Variants in BICD1 observed in about 807,000 individuals in gnomAD.
The protein encoded by BICD1 is BICD cargo adaptor 1, also known as protein bicaudal D homolog 1.
BICD1 carries 35 observed loss-of-function variants against 92.5 expected under a neutral mutation model. That is an observed-to-expected ratio of 0.38 (90% CI 0.29 to 0.50). BICD1 has a LOEUF of 0.50. Among genes scored for constraint, BICD1 ranks in the 20% least tolerant of loss-of-function variants. The pLI, the probability that BICD1 is intolerant of heterozygous loss-of-function variation, is 0.93. For missense variants in BICD1, 950 were observed against 1,189.8 expected, an observed-to-expected ratio of 0.80 and a Z score of 2.97; for synonymous variants, 429 against 465.1, an observed-to-expected ratio of 0.92 and a Z score of 1.00.
chr12:32,256,062 A>T (rs1946710267), intron 2 of BICD1, among the ~76,000 whole-genome samples: 1 of 151,814 alleles, frequency 6.6e-6, no homozygotes, highest in East Asian at 1.9e-4. Flanking sequence ...TTTATTTTTT[A>T]TTCTTTTAGA....
intron 3 of BICD1, among the ~76,000 whole-genome samples, chr12:32,303,414 T>C (rs964281470): frequency 6.6e-6 from 1 of 152,192 alleles, no homozygotes; most frequent in Non-Finnish European, 1.5e-5. Context: ...TGAGTGCTGG[T>C]TTACCATCAG....
chr12:32,121,934 C>T (rs1450675694), intron 1 of BICD1, among the ~76,000 whole-genome samples: 2 of 151,932 alleles, frequency 1.3e-5, no homozygotes, highest in African/African-American at 2.4e-5. Context: ...CTGCCTCAGC[C>T]TCCTGAGTAG....
chr12:32,255,950 TATTA>T (rs1301709763), intron 2 of BICD1, among the ~76,000 whole-genome samples: 117 of 152,246 alleles, frequency 7.7e-4, no homozygotes, highest in African/African-American at 2.2e-3. Flanking sequence ...ATGATAATAT[TATTA>T]ATTAATTATT....
Position 32,328,640 on chromosome 12 carries a change from G to T in BICD1, c.2100+85G>T. On this transcript the variant is annotated intron_variant, in intron 5 of 9. Coordinates refer to ENST00000652176, the MANE Select transcript of BICD1 (RefSeq NM_001714.4). This position sits in a 1 kb window ranked among gnomAD's most constrained non-coding sequence, Gnocchi z 4.4. ...CTAATTTTATTGAGTATCGAGTATCGTCAAGATGAGAGTTCAGATTCTTGG... is the reference window on the plus strand; with the variant it reads ...CTAATTTTATTGAGTATCGAGTATCTTCAAGATGAGAGTTCAGATTCTTGG... 1.3e-6 allele frequency: 2 copies of T among 1,499,390 alleles called. No individual in the cohort carries two copies. The highest frequency in any genetic ancestry group is 1.8e-6 in the Non-Finnish European group (2 of 1,119,320). 92.9% of individuals were successfully genotyped at this position (1,499,390 alleles called of 1,614,324 possible). A position where few individuals can be genotyped will look rare whatever the true frequency, so the allele number is the denominator to read the frequency against.
chr12:32,377,480 C>T, intron 9 of BICD1, 60 bp from the exon 10 acceptor site: 1 of 1,320,370 alleles, frequency 7.6e-7, no homozygotes, highest in East Asian at 2.3e-5. Context: ...CTAACCCCTA[C>T]CATTGTGCCT....
Position 32,122,333 on chromosome 12 carries a change from C to T in BICD1, c.213+14789C>T, listed in dbSNP as rs1396293947. Reference sequence around the variant, plus strand: ...GAAACCCCCGTCTCTATGAAAAATACAAAAAATTAGCCGGGCTTGGTGGTG... The same window carrying T: ...GAAACCCCCGTCTCTATGAAAAATATAAAAAATTAGCCGGGCTTGGTGGTG... On this transcript the variant is annotated intron_variant, in intron 1 of 9. Coordinates refer to ENST00000652176, the MANE Select transcript of BICD1 (RefSeq NM_001714.4). Among the ~76,000 whole-genome samples the T allele has an allele frequency of 5.3e-5, 8 of 151,620 alleles. 1 individual carries two copies. The highest frequency in any genetic ancestry group is 1.2e-4 in the Non-Finnish European group (8 of 67,918).
intron 1 of BICD1, among the ~76,000 whole-genome samples, chr12:32,215,010 C>G (rs1945310871): frequency 6.6e-6 from 1 of 152,150 alleles, no homozygotes; most frequent in Non-Finnish European, 1.5e-5. Flanking sequence ...GGTTGAATCA[C>G]TTGAGGTCAG....
Position 32,327,967 on chromosome 12 carries a change from C to T in BICD1, c.1512C>T (p.Ala504=). The T allele has an allele frequency of 1.2e-6, 2 of 1,614,002 alleles. No homozygotes were observed. Reference sequence around the variant, plus strand: ...AAAATCACAGTACCCTTAATACGGCCCAGGATGAGTTAGTGACATTCAGTG... The same window carrying T: ...AAAATCACAGTACCCTTAATACGGCTCAGGATGAGTTAGTGACATTCAGTG... ...ANENHSTLNT[A]QDELVTFSEE... Residue 504 remains alanine, a synonymous_variant, in exon 5 of 10, where the codon GCC becomes GCT. Coordinates refer to ENST00000652176, the MANE Select transcript of BICD1 (RefSeq NM_001714.4).
At chr12:32,151,933 G>T (rs941268179) in intron 1 of BICD1, among the ~76,000 whole-genome samples, 1 of 152,004 alleles carries the variant, frequency 6.6e-6, no homozygotes, top group Non-Finnish European at 1.5e-5. Context: ...AGTCAGCAGA[G>T]ACTTGTTTTT....
At chr12:32,256,972 T>C (rs1021554031) in intron 2 of BICD1, among the ~76,000 whole-genome samples, 2 of 152,202 alleles carry the variant, frequency 1.3e-5, no homozygotes, top group Admixed American at 1.3e-4. Context: ...ACCAGCACTT[T>C]GAGAGGCCAA....
At chr12:32,288,223 ATTT>A (rs34913740) in intron 2 of BICD1, among the ~76,000 whole-genome samples, 1 of 109,518 alleles carries the variant, frequency 9.1e-6, no homozygotes, top group Non-Finnish European at 1.8e-5. Context: ...CCAAGTCCTA[ATTT>A]TTTTTTTTTT....
At chr12:32,185,356 CTAAATTATGCTGTGG>C (rs1348051723) in intron 1 of BICD1, among the ~76,000 whole-genome samples, 2 of 152,224 alleles carry the variant, frequency 1.3e-5, no homozygotes, top group Non-Finnish European at 2.9e-5. Flanking sequence ...TCAGCTTAGA[CTAAATTATGCTGTGG>C]TAACAAACCC....
intron 4 of BICD1, among the ~76,000 whole-genome samples, chr12:32,307,635 C>G (rs1948265671): frequency 6.6e-6 from 1 of 152,216 alleles, no homozygotes; most frequent in Non-Finnish European, 1.5e-5. Context: ...TGGCAGTCAT[C>G]TGCCTCCACG....
chr12:32,118,078 T>TTTTATTTTATTTTATTTTA (rs1942006389), intron 1 of BICD1, among the ~76,000 whole-genome samples: 1 of 147,006 alleles, frequency 6.8e-6, no homozygotes, highest in Non-Finnish European at 1.5e-5. Flanking sequence ...TTTTATTTTA[T>TTTTATTTTATTTTATTTTA]TTTATTTTAT....
In BICD1 at chr12:32,380,727, A is replaced by G. The variant is rs1374575168; in HGVS notation, c.*3100A>G. 3 of 152,172 alleles carry G rather than the reference A, an allele frequency of 2.0e-5. No homozygotes were observed. In the East Asian group the frequency reaches 5.8e-4, roughly 29 times the overall value. The allele number at this position is 152,172 out of a possible 1,614,324, so 9.4% of individuals were successfully genotyped here. On this transcript the variant is annotated 3_prime_UTR_variant, in exon 10 of 10. Coordinates refer to ENST00000652176, the MANE Select transcript of BICD1 (RefSeq NM_001714.4). ...TCTGGATTCTAATAAAATAATTTGG[A>G]GAACTTTGAGAAAAAGGAAAACTGT...
At chr12:32,232,961 C>T (rs1221431377) in intron 2 of BICD1, among the ~76,000 whole-genome samples, 9 of 152,056 alleles carry the variant, frequency 5.9e-5, no homozygotes, top group East Asian at 5.8e-4. Context: ...ATTAAGCCAG[C>T]GCCAAATGGA....
intron 4 of BICD1, among the ~76,000 whole-genome samples, chr12:32,319,077 G>A (rs750744524): frequency 5.9e-5 from 9 of 152,042 alleles, no homozygotes; most frequent in Non-Finnish European, 1.0e-4. Context: ...ACAAGAGCAC[G>A]TCATCTGCAA....
chr12:32,241,728 C>A (rs1946240336), intron 2 of BICD1, among the ~76,000 whole-genome samples: 1 of 152,154 alleles, frequency 6.6e-6, no homozygotes, highest in African/African-American at 2.4e-5. Context: ...TCTGCTCTAA[C>A]TGCTTTTGGA....
At chr12:32,300,629 GTAT>G (rs1407999648) in intron 3 of BICD1, among the ~76,000 whole-genome samples, 39 of 108,378 alleles carry the variant, frequency 3.6e-4, no homozygotes, top group African/African-American at 1.3e-3. Flanking sequence ...TGACTTTACA[GTAT>G]TTTTTTTTTT....
Sources: allele counts gnomAD v4.1 joint callset (sites outside exome capture counted in the v4.1 genomes callset), GRCh38; gene constraint gnomAD v4.1.1; non-coding constraint Gnocchi (gnomAD v3.1); transcripts MANE v1.5; gene names NCBI Gene and HGNC (gene_info 2026-07-23, HGNC 2026-07-21).